The following MRPL13 variants were observed in gnomAD, a reference collection of about 807,000 sequenced individuals.
The protein encoded by MRPL13 is large ribosomal subunit protein uL13m.
In MRPL13, 33 loss-of-function variants were observed where a neutral mutation model predicts 29.0. The observed-to-expected ratio is 1.14, with a 90% confidence interval of 0.86 to 1.52. The LOEUF (loss-of-function observed/expected upper bound fraction) is 1.52. MRPL13 is among the 40% of genes most tolerant of loss of function. The pLI is 0.00. For synonymous variants in MRPL13, 77 were observed against 68.4 expected (o/e 1.13, Z -0.62); for missense variants, 227 against 216.7 (o/e 1.05, Z -0.30).
chr8:120,397,510 G>A (rs922378214), intron 6 of MRPL13, among the ~76,000 whole-genome samples: 9 of 152,106 alleles, frequency 5.9e-5, no homozygotes, highest in African/African-American at 1.7e-4. Flanking sequence ...TCTGTGGTTA[G>A]GTCGACTCAG....
At position 120,413,972 on chromosome 8, in the gene MRPL13, G is replaced by C. The variant is rs1812771853; in HGVS notation, c.515+19C>G. The C allele has an allele frequency of 1.3e-6, 2 of 1,513,152 alleles. No individual in the cohort carries two copies. The highest frequency in any genetic ancestry group is 1.8e-6 in the Non-Finnish European group (2 of 1,138,338). 93.7% of individuals were successfully genotyped at this position (1,513,152 alleles called of 1,614,324 possible). A position where few individuals can be genotyped will look rare whatever the true frequency, so the allele number is the denominator to read the frequency against. ...AGGATATCAAAAGAAAAAAAAACAAGAAGAAGGGAAACACTTACGGAGTCC... is the reference window on the plus strand; with the variant it reads ...AGGATATCAAAAGAAAAAAAAACAACAAGAAGGGAAACACTTACGGAGTCC... On this transcript the variant is annotated intron_variant, in intron 6 of 6. Transcript: ENST00000306185.
At chr8:120,430,217 G>A (rs1165974209) in intron 3 of MRPL13, among the ~76,000 whole-genome samples, 1 of 152,068 alleles carries the variant, frequency 6.6e-6, no homozygotes, top group Admixed American at 6.6e-5. Context: ...AGCCAAGATC[G>A]TACCACTGCA....
chr8:120,443,038 C>T (rs1225722716), intron 2 of MRPL13, 147 bp downstream of exon 2: 4 of 800,526 alleles, frequency 5.0e-6, no homozygotes, highest in Admixed American at 3.5e-5. Flanking sequence ...CAGTTTTGGG[C>T]GCTAGTATGG....
chr8:120,417,423 T>C (rs1474270714), intron 5 of MRPL13, among the ~76,000 whole-genome samples: 1 of 152,222 alleles, frequency 6.6e-6, no homozygotes, highest in Non-Finnish European at 1.5e-5. Context: ...GGCCACAGAA[T>C]ACGCTGGTAA....
intron 2 of MRPL13, among the ~76,000 whole-genome samples, chr8:120,435,644 T>C (rs1813045961): frequency 6.6e-6 from 1 of 152,096 alleles, no homozygotes; most frequent in Non-Finnish European, 1.5e-5. Flanking sequence ...TCTTTGCTAT[T>C]ATGAACAGTG....
rs1428125497 is a variant in MRPL13, at chr8:120,396,032, C to T, written c.*72G>A. ...ACTGTAGCAGTTGTTTTACTCCATC[C>T]TGTAGGTTAGAGAAACTCATCAGAA... On this transcript the variant is annotated 3_prime_UTR_variant, in exon 7 of 7. Coordinates refer to ENST00000306185, the MANE Select transcript of MRPL13 (RefSeq NM_014078.6). The T allele has an allele frequency of 2.3e-6, 3 of 1,316,820 alleles. No homozygotes were observed. In the East Asian group the frequency reaches 7.3e-5, roughly 32 times the overall value. 81.6% of individuals were successfully genotyped at this position (1,316,820 alleles called of 1,614,324 possible).
intron 2 of MRPL13, among the ~76,000 whole-genome samples, chr8:120,436,504 GTTT>G (rs919994941): frequency 6.6e-6 from 1 of 151,930 alleles, no homozygotes; most frequent in African/African-American, 2.4e-5. Flanking sequence ...TAGATTGTTT[GTTT>G]TTTTACTGTT....
chr8:120,432,120 T>C lies in MRPL13; in HGVS notation c.155A>G (p.Asp52Gly). 6.4e-7 allele frequency: 1 copy of C among 1,564,554 alleles called. No homozygotes were observed. Among genetic ancestry groups the C allele is most frequent in the Non-Finnish European group, 8.6e-7 (1 of 1,161,268 alleles). ...LHKPVYHALS[D>G]CGDHVVIMNT... Reference sequence around the variant, plus strand: ...CATTATAACAACATGATCCCCACAGTCACCTACATTTTAAAAAGAAACAAG... The same window carrying C: ...CATTATAACAACATGATCCCCACAGCCACCTACATTTTAAAAAGAAACAAG... The change falls in exon 3 of 7, where the codon GAC (aspartate) becomes GGC (glycine). Residue 52 changes from aspartate to glycine, a missense_variant. Coordinates refer to ENST00000306185, the MANE Select transcript of MRPL13 (RefSeq NM_014078.6).
chr8:120,425,294 C>A lies in MRPL13; in HGVS notation c.306+12G>T. The A allele has an allele frequency of 6.2e-7, 1 of 1,605,046 alleles. No individual in the cohort carries two copies. The highest frequency in any genetic ancestry group is 8.5e-7 in the Non-Finnish European group (1 of 1,172,782). ...TTCCAAAGATGATTAATAAAAAATA[C>A]AAGAAACTTACTGCCACTGGATCCC... is the stretch of plus-strand genomic sequence containing the variant. On this transcript the variant is annotated intron_variant, in intron 4 of 6. Coordinates refer to ENST00000306185, the MANE Select transcript of MRPL13 (RefSeq NM_014078.6).
intron 2 of MRPL13, 68 bp downstream of exon 2, chr8:120,443,117 A>C: frequency 7.4e-7 from 1 of 1,345,088 alleles, no homozygotes; most frequent in Non-Finnish European, 9.7e-7. Context: ...GCCCTGTTAA[A>C]CTTCATCAAG....
At chr8:120,408,382 CTACT>C (rs1812701912) in intron 6 of MRPL13, among the ~76,000 whole-genome samples, 1 of 152,180 alleles carries the variant, frequency 6.6e-6, no homozygotes, top group Non-Finnish European at 1.5e-5. Flanking sequence ...TAAATAGAGA[CTACT>C]TTTTTATTTT....
At chr8:120,408,728 C>T (rs1301433411) in intron 6 of MRPL13, among the ~76,000 whole-genome samples, 1 of 152,152 alleles carries the variant, frequency 6.6e-6, no homozygotes, top group Non-Finnish European at 1.5e-5. Flanking sequence ...CTTTAAGTCT[C>T]TGATCTGAAG....
At chr8:120,397,201 T>G (rs915425562) in intron 6 of MRPL13, among the ~76,000 whole-genome samples, 1 of 134,540 alleles carries the variant, frequency 7.4e-6, no homozygotes, top group Non-Finnish European at 1.7e-5. Context: ...ACCAGGGCCT[T>G]GGGTCCAATA....
Position 120,418,068 on chromosome 8 carries a change from C to T in MRPL13, c.393+1784G>A, listed in dbSNP as rs187016716. ...TGCAACTTTCTCTTCCCGTGCTTTA[C>T]GCAAAAAGTAGCGCACATAAATATA... is the stretch of plus-strand genomic sequence containing the variant. On this transcript the variant is annotated intron_variant, in intron 5 of 6. Transcript: ENST00000306185. Among the ~76,000 whole-genome samples the T allele has an allele frequency of 1.2e-4, 18 of 152,152 alleles. No individual in the cohort carries two copies. In the East Asian group the frequency reaches 1.5e-3, roughly 13 times the overall value.
chr8:120,402,803 A>T (rs1448959192), intron 6 of MRPL13, among the ~76,000 whole-genome samples: 2 of 152,212 alleles, frequency 1.3e-5, no homozygotes, highest in Non-Finnish European at 2.9e-5. Flanking sequence ...AATTTAGAAG[A>T]AAAAATAACC....
At chr8:120,443,053 A>G (rs371091652) in intron 2 of MRPL13, 132 bp downstream of exon 2, 2 of 947,080 alleles carry the variant, frequency 2.1e-6, no homozygotes, top group Non-Finnish European at 2.9e-6. Context: ...GTATGGTTTC[A>G]GCAAGAATGG....
intron 5 of MRPL13, 44 bp downstream of exon 5, chr8:120,419,808 T>C: frequency 7.0e-7 from 1 of 1,436,284 alleles, no homozygotes; most frequent in Non-Finnish European, 9.4e-7. Context: ...AACATTTAAT[T>C]GAAAATTTTG....
intron 4 of MRPL13, among the ~76,000 whole-genome samples, chr8:120,420,145 T>C (rs573669704): frequency 9.1e-4 from 139 of 152,080 alleles, no homozygotes; most frequent in African/African-American, 3.2e-3. Flanking sequence ...CCATTTATTG[T>C]TTATTTAGAA....
chr8:120,410,266 T>A (rs1203416065), intron 6 of MRPL13, among the ~76,000 whole-genome samples: 2 of 152,194 alleles, frequency 1.3e-5, no homozygotes, highest in African/African-American at 4.8e-5. Flanking sequence ...TTCAGTCAAG[T>A]CTCTGCAGAT....
Sources: gnomAD v4.1 joint callset for allele counts (sites outside exome capture counted in the v4.1 genomes callset) on GRCh38, gnomAD v4.1.1 for gene constraint, MANE v1.5 for transcripts, NCBI Gene and HGNC (gene_info 2026-07-23, HGNC 2026-07-21) for gene names.